The following CFAP20DC variants were observed in gnomAD, a reference collection of about 807,000 sequenced individuals.
CFAP20DC encodes the protein protein CFAP20DC.
CFAP20DC carries 84 observed loss-of-function variants against 101.7 expected under a neutral mutation model. That is an observed-to-expected ratio of 0.83 (90% confidence interval 0.69 to 0.99). CFAP20DC has a LOEUF of 0.99. CFAP20DC is among the 50% of genes least tolerant of loss of function. CFAP20DC has a pLI of 0.00. For missense variants in CFAP20DC, 1,007 were observed against 970.3 expected, an observed-to-expected ratio of 1.04 and a Z score of -0.50; for synonymous variants, 359 against 351.2, an observed-to-expected ratio of 1.02 and a Z score of -0.25.
At chr3:58,948,690 C>T (rs1040967615) in intron 4 of CFAP20DC, among the ~76,000 whole-genome samples, 1 of 152,162 alleles carries the variant, frequency 6.6e-6, no homozygotes, top group East Asian at 1.9e-4. Flanking sequence ...ATTCGGTTTG[C>T]CCGTATTTTA....
intron 4 of CFAP20DC, among the ~76,000 whole-genome samples, chr3:59,025,390 A>G (rs906194968): frequency 3.4e-4 from 51 of 152,180 alleles, no homozygotes; most frequent in African/African-American, 1.2e-3. Flanking sequence ...GACAAGTAGC[A>G]TGAAAATTTC....
chr3:59,034,029 G>C (rs2094047035), intron 4 of CFAP20DC, among the ~76,000 whole-genome samples: 1 of 152,206 alleles, frequency 6.6e-6, no homozygotes, highest in African/African-American at 2.4e-5. Flanking sequence ...AGCCAGAAGA[G>C]AATGGGGGCC....
chr3:58,829,966 T>C lies in CFAP20DC; in HGVS notation c.2175+1720A>G, dbSNP rs1163808041. On this transcript the variant is annotated intron_variant, in intron 14 of 16. Transcript: ENST00000482387. ...GAGTATTTTATAAGAAAGGCAATGT[T>C]TCAATTCTACTGCAAATTGTACTGG... Among the ~76,000 whole-genome samples, 6 of 152,194 alleles carry C rather than the reference T, an allele frequency of 3.9e-5. No individual in the cohort carries two copies. The East Asian group carries it at 1.2e-3, about 29-fold the overall frequency.
rs188963715 is a variant in CFAP20DC, at chr3:59,007,922, A to C, written c.278+31635T>G. Among the ~76,000 whole-genome samples, 653 of 152,334 alleles carry C rather than the reference A, an allele frequency of 4.3e-3. 1 individual carries two copies. The highest frequency in any genetic ancestry group is 5.1e-3 in the Non-Finnish European group (346 of 68,024). Reference sequence around the variant, plus strand: ...AGGTAGTTTCTCATAGCAGAGAAACAATTGCAATGTGGGGAGCAATAGGGA... The same window carrying C: ...AGGTAGTTTCTCATAGCAGAGAAACCATTGCAATGTGGGGAGCAATAGGGA... On this transcript the variant is annotated intron_variant, in intron 4 of 16. Coordinates refer to ENST00000482387, the MANE Select transcript of CFAP20DC (RefSeq NM_001394063.1). This position sits in a 1 kb window ranked among gnomAD's most constrained non-coding sequence, Gnocchi z 4.4.
At chr3:58,928,352 G>T (rs1026090251) in intron 5 of CFAP20DC, among the ~76,000 whole-genome samples, 2 of 152,188 alleles carry the variant, frequency 1.3e-5, no homozygotes, top group African/African-American at 4.8e-5. Context: ...CCTGGAAGAA[G>T]TAGCATCTAT....
In CFAP20DC at chr3:58,987,337, T is replaced by G. The variant is rs537147171; in HGVS notation, c.279-49575A>C. ...GGTCAAGGTTAAAAAATAAGAATCA[T>G]GTACTACATATAACAACTTGAAATT... On this transcript the variant is annotated intron_variant, in intron 4 of 16. Transcript: ENST00000482387. 4.3e-4 allele frequency among the ~76,000 whole-genome samples: 66 copies of G among 152,206 alleles called. 2 individuals carry two copies. The South Asian group carries it at 9.1e-3, about 21-fold the overall frequency.
At chr3:58,814,867 C>A (rs895554913) in intron 14 of CFAP20DC, among the ~76,000 whole-genome samples, 1 of 150,042 alleles carries the variant, frequency 6.7e-6, no homozygotes, top group Admixed American at 6.6e-5. Flanking sequence ...AGGATACAAA[C>A]AAATGGAAGA....
intron 15 of CFAP20DC, among the ~76,000 whole-genome samples, chr3:58,789,956 C>G (rs898629865): frequency 2.0e-5 from 3 of 152,040 alleles, no homozygotes; most frequent in Non-Finnish European, 4.4e-5. Flanking sequence ...TAGAAAGATA[C>G]AGAAATGTTA....
In CFAP20DC at chr3:58,892,315, G is replaced by T. The variant is rs929392725; in HGVS notation, c.551-7606C>A. Among the ~76,000 whole-genome samples the T allele has an allele frequency of 3.2e-4, 48 of 152,312 alleles. No homozygotes were observed. Among genetic ancestry groups the T allele is most frequent in the African/African-American group, 1.1e-3 (47 of 41,574 alleles). On this transcript the variant is annotated intron_variant, in intron 6 of 16. Transcript: ENST00000482387. This position sits in a 1 kb window ranked among gnomAD's most constrained non-coding sequence, Gnocchi z 4.0. ...TGCTTAAGATTGTCTTGGCTATACAGATTCTTTTTTGGTTCCACATGAATT... is the reference window on the plus strand; with the variant it reads ...TGCTTAAGATTGTCTTGGCTATACATATTCTTTTTTGGTTCCACATGAATT...
intron 5 of CFAP20DC, among the ~76,000 whole-genome samples, chr3:58,937,403 A>G (rs2087857429): frequency 6.6e-6 from 1 of 152,108 alleles, no homozygotes; most frequent in South Asian, 2.1e-4. Context: ...CACATTACCA[A>G]TAGCACTTTC....
chr3:58,943,980 GA>G (rs1296692621), intron 4 of CFAP20DC, among the ~76,000 whole-genome samples: 3 of 152,074 alleles, frequency 2.0e-5, no homozygotes, highest in African/African-American at 7.2e-5. Context: ...ATCAGAAAAT[GA>G]GGATCAACTT....
At chr3:58,976,813 G>C (rs942369032) in intron 4 of CFAP20DC, among the ~76,000 whole-genome samples, 1 of 152,162 alleles carries the variant, frequency 6.6e-6, no homozygotes, top group Admixed American at 6.5e-5. Context: ...CCCAGCTGTA[G>C]TGAGTAGGGT....
At chr3:59,039,401 T>C (rs574512210) in intron 4 of CFAP20DC, among the ~76,000 whole-genome samples, 156 bp downstream of exon 4, 1 of 152,222 alleles carries the variant, frequency 6.6e-6, no homozygotes, top group African/African-American at 2.4e-5. Flanking sequence ...CCAAGAAATA[T>C]GATTAAATTA....
In CFAP20DC at chr3:58,882,002, A is replaced by T. The variant is rs1023523983; in HGVS notation, c.715+2543T>A. Among the ~76,000 whole-genome samples the T allele has an allele frequency of 1.3e-5, 2 of 152,164 alleles. No individual in the cohort carries two copies. The highest frequency in any genetic ancestry group is 4.8e-5 in the African/African-American group (2 of 41,464). ...ATTGAAAAGTATTTACAGAAAGAGAACCACAAAGTGCAATTTATGTTTGTG... is the reference window on the plus strand; with the variant it reads ...ATTGAAAAGTATTTACAGAAAGAGATCCACAAAGTGCAATTTATGTTTGTG... On this transcript the variant is annotated intron_variant, in intron 7 of 16. Transcript: ENST00000482387. The surrounding 1 kb of genome is among the most constrained non-coding windows in gnomAD (Gnocchi z 4.2).
intron 13 of CFAP20DC, 26 bp downstream of exon 13, chr3:58,849,006 C>G: frequency 6.5e-7 from 1 of 1,528,894 alleles, no homozygotes. Context: ...TTGCCGGCAT[C>G]TGTAAACCAC....
At chr3:58,957,660 A>G (rs1221304111) in intron 4 of CFAP20DC, among the ~76,000 whole-genome samples, 3 of 152,238 alleles carry the variant, frequency 2.0e-5, no homozygotes, top group African/African-American at 7.2e-5. Flanking sequence ...ACAATGGAGT[A>G]TTATTCAGCC....
At chr3:58,935,721 T>C (rs1001456157) in intron 5 of CFAP20DC, among the ~76,000 whole-genome samples, 2 of 152,352 alleles carry the variant, frequency 1.3e-5, no homozygotes, top group African/African-American at 4.8e-5. Context: ...GCTAGCCATA[T>C]GTAGAAAGCT....
At chr3:58,957,572 T>C (rs2090754424) in intron 4 of CFAP20DC, among the ~76,000 whole-genome samples, 1 of 152,194 alleles carries the variant, frequency 6.6e-6, no homozygotes, top group South Asian at 2.1e-4. Flanking sequence ...TGCAGCACTC[T>C]TCACAATAGC....
At chr3:58,891,925 T>C (rs2082291393) in intron 6 of CFAP20DC, among the ~76,000 whole-genome samples, 1 of 152,208 alleles carries the variant, frequency 6.6e-6, no homozygotes, top group Non-Finnish European at 1.5e-5. Context: ...CTGTGTCTTG[T>C]CCTGAATACC....
Sources: allele counts gnomAD v4.1 joint callset (sites outside exome capture counted in the v4.1 genomes callset), GRCh38; gene constraint gnomAD v4.1.1; non-coding constraint Gnocchi (gnomAD v3.1); transcripts MANE v1.5; gene names NCBI Gene and HGNC (gene_info 2026-07-23, HGNC 2026-07-21).